Variants in KIAA1328 observed in about 807,000 individuals in gnomAD.
KIAA1328 encodes KIAA1328.
A neutral mutation model predicts 68.1 loss-of-function variants in KIAA1328; 52 were observed. The observed-to-expected ratio is 0.76, with a 90% CI of 0.61 to 0.96. The LOEUF is 0.96. Ranked by LOEUF, KIAA1328 falls within the 40% of genes least tolerant of loss-of-function variation. The pLI is 0.00. For missense variants in KIAA1328, 641 were observed against 677.6 expected (o/e 0.95, Z 0.60); for synonymous variants, 232 against 239.4 (o/e 0.97, Z 0.28).
intron 7 of KIAA1328, among the ~76,000 whole-genome samples, chr18:37,087,795 G>T (rs926405808): frequency 2.0e-5 from 3 of 152,104 alleles, no homozygotes; most frequent in Admixed American, 1.3e-4. Context: ...ATGCCAATGT[G>T]GGGAGCCAGG....
At chr18:37,056,171 A>G (rs1338395136) in intron 6 of KIAA1328, among the ~76,000 whole-genome samples, 1 of 152,190 alleles carries the variant, frequency 6.6e-6, no homozygotes, top group Non-Finnish European at 1.5e-5. Flanking sequence ...CTGGCTTATC[A>G]TAAGAATAGT....
chr18:36,850,693 T>A (rs2047182970), intron 4 of KIAA1328, among the ~76,000 whole-genome samples: 1 of 152,116 alleles, frequency 6.6e-6, no homozygotes, highest in Admixed American at 6.6e-5. Context: ...CATAGCTCAA[T>A]CTGATAACTG....
intron 4 of KIAA1328, among the ~76,000 whole-genome samples, chr18:36,864,340 C>T (rs541323934): frequency 1.5e-4 from 22 of 143,338 alleles, no homozygotes; most frequent in South Asian, 8.8e-4. Flanking sequence ...CTTGCTGTGT[C>T]GCACAGGCTG....
intron 7 of KIAA1328, among the ~76,000 whole-genome samples, chr18:37,154,833 G>A (rs2059119594): frequency 6.6e-6 from 1 of 152,106 alleles, no homozygotes; most frequent in South Asian, 2.1e-4. Flanking sequence ...ACCTTAAAGG[G>A]ATATCTAAAT....
At chr18:36,885,507 A>G (rs2048466248) in intron 4 of KIAA1328, 50 bp from the exon 5 acceptor site, 1 of 1,120,536 alleles carries the variant, frequency 8.9e-7, no homozygotes, top group Non-Finnish European at 1.2e-6. Context: ...GTAGGCACAT[A>G]TTTAATTTTA....
chr18:37,211,604 C>T (rs1037356940), intron 9 of KIAA1328, among the ~76,000 whole-genome samples: 1 of 152,132 alleles, frequency 6.6e-6, no homozygotes, highest in Admixed American at 6.6e-5. Context: ...ACAGGATGAG[C>T]ATGAAAAATA....
At chr18:36,994,958 A>C (rs1390882285) in intron 6 of KIAA1328, among the ~76,000 whole-genome samples, 2 of 151,656 alleles carry the variant, frequency 1.3e-5, no homozygotes, top group Non-Finnish European at 2.9e-5. Flanking sequence ...TTATTTATTT[A>C]TTTATTTATT....
At chr18:37,188,918 C>G (rs1443700991) in intron 9 of KIAA1328, among the ~76,000 whole-genome samples, 3 of 152,184 alleles carry the variant, frequency 2.0e-5, no homozygotes, top group Non-Finnish European at 4.4e-5. Flanking sequence ...CTTTTATGCT[C>G]TCTCTGCTCC....
At chr18:37,172,760 T>C (rs1186099162) in intron 8 of KIAA1328, among the ~76,000 whole-genome samples, 4 of 152,210 alleles carry the variant, frequency 2.6e-5, no homozygotes, top group Non-Finnish European at 4.4e-5. Flanking sequence ...ACTCTGTCAC[T>C]GCAAAAATGT....
At chr18:36,957,120 A>G (rs1056495473) in intron 5 of KIAA1328, among the ~76,000 whole-genome samples, 1 of 152,170 alleles carries the variant, frequency 6.6e-6, no homozygotes. Flanking sequence ...GCAATTGGTT[A>G]TTTATGCAGT....
chr18:36,969,399 A>G lies in KIAA1328; in HGVS notation c.576+9964A>G, dbSNP rs1055428323. 2.0e-5 allele frequency among the ~76,000 whole-genome samples: 3 copies of G among 152,148 alleles called. No individual in the cohort carries two copies. In the East Asian group the frequency reaches 5.8e-4, roughly 29 times the overall value. ...GCTGGATAAACCACTAGGCAGACTA[A>G]TAAAGAAGAAAAGAGAGAAGATCCA... On this transcript the variant is annotated intron_variant, in intron 6 of 9. Transcript: ENST00000280020.
At chr18:37,145,961 G>A (rs1050492709) in intron 7 of KIAA1328, among the ~76,000 whole-genome samples, 6 of 152,032 alleles carry the variant, frequency 3.9e-5, no homozygotes, top group African/African-American at 1.4e-4. Context: ...TATTGATACT[G>A]TTGAACTTAG....
chr18:36,876,140 G>A (rs765245330), intron 4 of KIAA1328, among the ~76,000 whole-genome samples: 14 of 151,998 alleles, frequency 9.2e-5, no homozygotes, highest in African/African-American at 2.4e-4. Flanking sequence ...TTTTTGTTGC[G>A]TCTCTGCCAG....
chr18:37,183,805 A>C (rs1360150569), intron 9 of KIAA1328, among the ~76,000 whole-genome samples: 1 of 152,226 alleles, frequency 6.6e-6, no homozygotes, highest in African/African-American at 2.4e-5. Context: ...GTTTTAAGAG[A>C]AAATTTCCTA....
At chr18:36,903,721 A>G (rs915250493) in intron 5 of KIAA1328, 4 of 152,158 alleles carry the variant, frequency 2.6e-5, no homozygotes, top group African/African-American at 9.6e-5. Context: ...AATGCTTTGT[A>G]CCATGACTAA....
At chr18:37,166,504 A>C (rs898295238) in intron 8 of KIAA1328, among the ~76,000 whole-genome samples, 1 of 152,120 alleles carries the variant, frequency 6.6e-6, no homozygotes, top group South Asian at 2.1e-4. Context: ...AGTTCTCCCA[A>C]GGTGTCCTAG....
In KIAA1328 at chr18:36,840,716, G is replaced by A. The variant is rs9807616; in HGVS notation, c.238-3492G>A. ...TCCACCCACCTCGGCCTCCGAAAGT[G>A]CTGGGATTATAGGCATGAGCCACTG... On this transcript the variant is annotated intron_variant, in intron 3 of 9. Transcript: ENST00000280020. 1.8e-4 allele frequency among the ~76,000 whole-genome samples: 28 copies of A among 152,178 alleles called. No homozygotes were observed. The South Asian group carries it at 2.1e-3, about 11-fold the overall frequency.
chr18:36,949,285 A>G (rs906778623), intron 5 of KIAA1328, among the ~76,000 whole-genome samples: 2 of 152,240 alleles, frequency 1.3e-5, no homozygotes, highest in African/African-American at 4.8e-5. Context: ...GAGAAAATGC[A>G]TGGTTTTTAA....
intron 6 of KIAA1328, among the ~76,000 whole-genome samples, chr18:36,985,992 A>T (rs952325939): frequency 6.6e-6 from 1 of 152,180 alleles, no homozygotes; most frequent in Non-Finnish European, 1.5e-5. Context: ...AGGAACTGGA[A>T]CTCTTATGCA....
Sources: allele counts gnomAD v4.1 joint callset (sites outside exome capture counted in the v4.1 genomes callset), GRCh38; gene constraint gnomAD v4.1.1; transcripts MANE v1.5; gene names NCBI Gene and HGNC (gene_info 2026-07-23, HGNC 2026-07-21).